Variants in CPLANE1 observed in about 807,000 individuals in gnomAD.
CPLANE1 encodes ciliogenesis and planar polarity effector complex subunit 1.
Under a neutral mutation model 362.5 loss-of-function variants are expected in CPLANE1, and 263 were observed. The observed-to-expected ratio is 0.73, with a 90% CI of 0.66 to 0.80. The LOEUF (loss-of-function observed/expected upper bound fraction) is 0.80, where lower values mean the gene tolerates loss of function less well. Ranked by LOEUF, CPLANE1 falls within the 30% of genes least tolerant of loss-of-function variation. The pLI, the probability that CPLANE1 is intolerant of heterozygous loss-of-function variation, is 0.00. For missense variants in CPLANE1, 3,461 were observed against 3,793.4 expected, an observed-to-expected ratio of 0.91 and a Z score of 2.30; for synonymous variants, 1,212 against 1,302.6, an observed-to-expected ratio of 0.93 and a Z score of 1.50.
the CPLANE1 span, among the ~76,000 whole-genome samples, chr5:37,098,238 A>C: frequency 0.15 from 22,548 of 151,492 alleles, 1,951 homozygotes; most frequent in African/African-American, 0.23. Context: ...CTAAAAATAC[A>C]AAAAGTACCT....
chr5:37,235,773 T>C (rs1798838769), intron 8 of CPLANE1, among the ~76,000 whole-genome samples: 1 of 151,958 alleles, frequency 6.6e-6, no homozygotes, highest in African/African-American at 2.4e-5. Context: ...GGTTTCACCA[T>C]GTTGGTCAGG....
intron 45 of CPLANE1, 72 bp downstream of exon 45, chr5:37,139,268 C>T (rs1768878861): frequency 2.2e-6 from 3 of 1,346,504 alleles, no homozygotes; most frequent in Non-Finnish European, 3.0e-6. Flanking sequence ...AATTCACACA[C>T]ATATGAACAA....
At chr5:37,114,008 T>G (rs1279053383) in intron 51 of CPLANE1, among the ~76,000 whole-genome samples, 1 of 152,168 alleles carries the variant, frequency 6.6e-6, no homozygotes, top group African/African-American at 2.4e-5. Flanking sequence ...AGATGGGGTT[T>G]CACCGTGTTG....
At chr5:37,201,218 T>TA (rs1259868868) in intron 19 of CPLANE1, among the ~76,000 whole-genome samples, 3 of 152,190 alleles carry the variant, frequency 2.0e-5, no homozygotes, top group Non-Finnish European at 4.4e-5. Flanking sequence ...TTTGTTAGCC[T>TA]AAAAAATGCC....
Position 37,158,255 on chromosome 5 carries a change from G to C in CPLANE1, c.7781C>G (p.Ser2594Ter), listed in dbSNP as rs1382604743. Reference protein sequence around the residue: ...LSSEMSEKPWSPSIPHTVTNL... With the variant: ...LSSEMSEKPW ...TGTTACTGTATGAGGTATTGAGGGT[G>C]ACCAAGGTTTCTCTGACATTTCACT... The change falls in exon 39 of 53, where the codon TCA becomes TGA. Residue 2594 changes from serine (S) to a stop codon, truncating the protein, a stop_gained. Coordinates refer to ENST00000651892, the MANE Select transcript of CPLANE1 (RefSeq NM_001384732.1). LOFTEE classifies it high-confidence loss of function. 1 of 1,613,828 alleles carries C rather than the reference G, an allele frequency of 6.2e-7. No individual in the cohort carries two copies. The highest frequency in any genetic ancestry group is 1.7e-4 in the Middle Eastern group (1 of 6,060).
chr5:37,156,650 AATATAT>A (rs1580250650), intron 41 of CPLANE1, among the ~76,000 whole-genome samples: 1 of 152,068 alleles, frequency 6.6e-6, no homozygotes, highest in African/African-American at 2.4e-5. Context: ...AAAAATTTTA[AATATAT>A]ATAGTCTTCT....
At chr5:37,212,476 T>C in intron 16 of CPLANE1, 1 of 628,614 alleles carries the variant, frequency 1.6e-6, no homozygotes, top group African/African-American at 1.9e-5. Context: ...GATAAAACTC[T>C]GAATAAAAAT....
At chr5:37,153,460 T>C (rs1327961362) in intron 42 of CPLANE1, among the ~76,000 whole-genome samples, 3 of 152,162 alleles carry the variant, frequency 2.0e-5, no homozygotes, top group Non-Finnish European at 4.4e-5. Context: ...CATTTGGCAT[T>C]ATCTAGAGAC....
chr5:37,088,890 T>C, the CPLANE1 span, among the ~76,000 whole-genome samples: 522 of 152,248 alleles, frequency 3.4e-3, 1 homozygote, highest in African/African-American at 0.012. Context: ...ACCGTGGTAA[T>C]TGATAGTGAT....
chr5:37,171,367 C>T (rs1429520131), intron 32 of CPLANE1, among the ~76,000 whole-genome samples: 1 of 152,148 alleles, frequency 6.6e-6, no homozygotes, highest in Non-Finnish European at 1.5e-5. Flanking sequence ...ACTGCTGATC[C>T]CTATCCCAAG....
chr5:37,214,353 T>C (rs961577244), intron 15 of CPLANE1, among the ~76,000 whole-genome samples: 1 of 152,066 alleles, frequency 6.6e-6, no homozygotes, highest in Non-Finnish European at 1.5e-5. Flanking sequence ...TGCGCACCTA[T>C]AGTCCCAGCT....
At chr5:37,184,228 C>A (rs10072288) in intron 25 of CPLANE1, among the ~76,000 whole-genome samples, 22,221 of 151,974 alleles carry the variant, frequency 0.15, 1,879 homozygotes, top group African/African-American at 0.22. Context: ...ACCTGTTGGG[C>A]GGACACCTTA....
At chr5:37,116,481 G>A (rs1407882765) in intron 50 of CPLANE1, among the ~76,000 whole-genome samples, 4 of 91,458 alleles carry the variant, frequency 4.4e-5, no homozygotes, top group African/African-American at 1.9e-4. Flanking sequence ...GCAAGACTCT[G>A]CCTCAAAAAA....
At chr5:37,244,118 G>A (rs1738672100) in intron 5 of CPLANE1, among the ~76,000 whole-genome samples, 1 of 152,058 alleles carries the variant, frequency 6.6e-6, no homozygotes, top group African/African-American at 2.4e-5. Context: ...CCAAAGTGCT[G>A]GGAATACAGG....
chr5:37,141,935 G>T, intron 44 of CPLANE1: 1 of 527,714 alleles, frequency 1.9e-6, no homozygotes, highest in Non-Finnish European at 2.4e-6. Context: ...AGTGATGTTT[G>T]GCACATGGTA....
At chr5:37,186,121 T>TA (rs1342738013) in intron 24 of CPLANE1, among the ~76,000 whole-genome samples, 165 bp downstream of exon 24, 1 of 152,232 alleles carries the variant, frequency 6.6e-6, no homozygotes, top group Non-Finnish European at 1.5e-5. Context: ...AGCAAGAGAT[T>TA]AGTCTTTCTG....
chr5:37,182,129 C>T (rs1782817322), intron 26 of CPLANE1, among the ~76,000 whole-genome samples: 2 of 151,888 alleles, frequency 1.3e-5, no homozygotes, highest in South Asian at 4.2e-4. Context: ...AAAAGCAAGA[C>T]TCTGTCTCAA....
At chr5:37,171,904 A>T (rs1779913359) in intron 32 of CPLANE1, among the ~76,000 whole-genome samples, 1 of 152,000 alleles carries the variant, frequency 6.6e-6, no homozygotes, top group Non-Finnish European at 1.5e-5. Flanking sequence ...CTCCAACCTC[A>T]GCCTGCCGAG....
At position 37,209,900 on chromosome 5, in the gene CPLANE1, TG is replaced by T; in HGVS notation, c.2921-3476del. 7.0e-7 allele frequency: 1 copy of T among 1,438,176 alleles called. No individual in the cohort carries two copies. The highest frequency in any genetic ancestry group is 9.8e-7 in the Non-Finnish European group (1 of 1,021,738). 89.1% of individuals were successfully genotyped at this position (1,438,176 alleles called of 1,614,324 possible). ...CTCTGGCTGAGAAGCTTCAGCTTAT[TG>T]ATGATCAGTTTGCAGATGCTTACCC... On this transcript the variant is annotated intron_variant, in intron 16 of 52. Coordinates refer to ENST00000651892, the MANE Select transcript of CPLANE1 (RefSeq NM_001384732.1). This position sits in a 1 kb window ranked among gnomAD's most constrained non-coding sequence, Gnocchi z 4.6.
Sources: gnomAD v4.1 joint callset for allele counts (sites outside exome capture counted in the v4.1 genomes callset) on GRCh38, gnomAD v4.1.1 for gene constraint, Gnocchi (gnomAD v3.1) non-coding constraint, MANE v1.5 for transcripts, NCBI Gene and HGNC (gene_info 2026-07-23, HGNC 2026-07-21) for gene names.